PPP2R3A: variants seen among roughly 807,000 people sequenced by gnomAD.
PPP2R3A encodes protein phosphatase 2 regulatory subunit B''alpha, also known as serine/threonine-protein phosphatase 2A regulatory subunit B'' subunit alpha.
In PPP2R3A, 80 loss-of-function variants were observed where a neutral mutation model predicts 106.9. The observed-to-expected ratio is 0.75, with a 90% CI of 0.62 to 0.90. The LOEUF is 0.90. Among genes scored for constraint, PPP2R3A ranks in the 40% least tolerant of loss-of-function variants. The probability of loss-of-function intolerance (pLI) is 0.00; values close to 1 mark genes in which losing one functional copy is unlikely to be tolerated. For missense variants in PPP2R3A, 1,386 were observed against 1,350.4 expected (o/e 1.03, Z -0.41); for synonymous variants, 483 against 468.3 (o/e 1.03, Z -0.41).
intron 6 of PPP2R3A, among the ~76,000 whole-genome samples, chr3:136,076,706 T>G (rs1936607602): frequency 6.6e-6 from 1 of 152,136 alleles, no homozygotes; most frequent in African/African-American, 2.4e-5. Flanking sequence ...CCCAGCACTT[T>G]GGGAGGCCGA....
chr3:135,983,975 T>C (rs1937572451), intron 1 of PPP2R3A, among the ~76,000 whole-genome samples: 1 of 152,204 alleles, frequency 6.6e-6, no homozygotes, highest in African/African-American at 2.4e-5. Context: ...AGCTATTTTA[T>C]GTGTCACAGT....
intron 6 of PPP2R3A, among the ~76,000 whole-genome samples, chr3:136,071,633 A>G (rs1462673706): frequency 6.6e-5 from 10 of 151,170 alleles, no homozygotes. Context: ...AGAGCAAACA[A>G]TTGTCCTTTT....
intron 2 of PPP2R3A, among the ~76,000 whole-genome samples, chr3:136,004,170 A>T (rs16843633): frequency 6.6e-6 from 1 of 152,240 alleles, no homozygotes; most frequent in African/African-American, 2.4e-5. Context: ...AGTATTTTCA[A>T]AAGTTTTTAA....
intron 6 of PPP2R3A, among the ~76,000 whole-genome samples, chr3:136,072,277 A>G (rs149130454): frequency 1.3e-5 from 2 of 152,306 alleles, no homozygotes; most frequent in East Asian, 1.9e-4. Flanking sequence ...GTACTGAGTG[A>G]ATACATGAAA....
intron 1 of PPP2R3A, among the ~76,000 whole-genome samples, chr3:135,979,644 G>C (rs1937512463): frequency 6.6e-6 from 1 of 151,656 alleles, no homozygotes; most frequent in Non-Finnish European, 1.5e-5. Context: ...TGTAAAAGTG[G>C]GCACATGGGC....
At position 136,079,257 on chromosome 3, in the gene PPP2R3A, C is replaced by T. The variant is rs1015173626; in HGVS notation, c.2631+804C>T. The T allele has an allele frequency of 2.1e-5, 9 of 432,264 alleles. 1 individual carries two copies. The East Asian group carries it at 5.6e-4, about 27-fold the overall frequency. The allele number at this position is 432,264 out of a possible 1,614,324, so 26.8% of individuals were successfully genotyped here. On this transcript the variant is annotated intron_variant, in intron 7 of 13. Coordinates refer to ENST00000264977, the MANE Select transcript of PPP2R3A (RefSeq NM_002718.5). The stretch of plus-strand genomic sequence containing the variant: ...AGTCAGTGTTGATATTTATTGAACA[C>T]CTGATGCCTGCCTGGGCTCTCAGTA...
At chr3:136,114,670 A>G (rs930866449) in intron 13 of PPP2R3A, among the ~76,000 whole-genome samples, 1 of 152,194 alleles carries the variant, frequency 6.6e-6, no homozygotes, top group Non-Finnish European at 1.5e-5. Context: ...AGCACTGGGA[A>G]GTTTGAAGTG....
rs144647691 is a variant in PPP2R3A at position 136,102,992 on chromosome 3, A to G, written c.3104-266A>G. 1.6e-4 allele frequency among the ~76,000 whole-genome samples: 25 copies of G among 152,280 alleles called. No individual in the cohort carries two copies. The East Asian group carries it at 4.6e-3, about 28-fold the overall frequency. On this transcript the variant is annotated intron_variant, in intron 11 of 13. Transcript: ENST00000264977. ...TAGATAGTGGTAATGGTTGTACAAC[A>G]TTGTGAGTGTACTAAAAGCCACTGA...
chr3:135,968,450 G>A (rs9862743), intron 1 of PPP2R3A, among the ~76,000 whole-genome samples: 38,228 of 152,072 alleles, frequency 0.25, 5,339 homozygotes, highest in Non-Finnish European at 0.32. Context: ...ACAATATTCC[G>A]GGCAGAAGGA....
chr3:136,123,102 A>G (rs1290030186), intron 13 of PPP2R3A, among the ~76,000 whole-genome samples: 2 of 152,192 alleles, frequency 1.3e-5, no homozygotes, highest in African/African-American at 2.4e-5. Context: ...AATATAATTT[A>G]TCCCCCAAAA....
intron 13 of PPP2R3A, among the ~76,000 whole-genome samples, chr3:136,119,814 T>A (rs1171085552): frequency 1.3e-5 from 2 of 152,176 alleles, no homozygotes; most frequent in East Asian, 1.9e-4. Context: ...TCCTCAAGGA[T>A]CTAGAACTAG....
rs756480262 is a variant in PPP2R3A at position 136,003,082 on chromosome 3, A to G, written c.1584A>G (p.Arg528=). The G allele has an allele frequency of 1.3e-5, 21 of 1,611,462 alleles. No homozygotes were observed. The highest frequency in any genetic ancestry group is 2.5e-6 in the Non-Finnish European group (3 of 1,179,366). ...CACAGAAGATGGAGACCTCTCTAAG[A>G]GAGCCACTTGCGAAGGGTAAAAACT... is the stretch of plus-strand genomic sequence containing the variant. ...SFSQKMETSL[R]EPLAKGKNSN... The change falls in exon 2 of 14, where the codon AGA becomes AGG. Residue 528 remains arginine (R), a synonymous_variant. Transcript: ENST00000264977.
intron 10 of PPP2R3A, among the ~76,000 whole-genome samples, chr3:136,097,225 G>T (rs1338448114): frequency 6.6e-6 from 1 of 151,462 alleles, no homozygotes; most frequent in East Asian, 1.9e-4. Context: ...TGCAATGAAA[G>T]AAACTTTAGA....
intron 7 of PPP2R3A, chr3:136,079,107 A>G: frequency 2.3e-6 from 1 of 434,438 alleles, no homozygotes. Context: ...TAATAATACA[A>G]CCTTACTTAC....
intron 13 of PPP2R3A, among the ~76,000 whole-genome samples, chr3:136,143,848 T>G (rs532115427): frequency 1.3e-4 from 20 of 152,170 alleles, no homozygotes; most frequent in Non-Finnish European, 2.4e-4. Context: ...TTACTGTATA[T>G]ACCTACCTCA....
chr3:136,034,452 T>C (rs1023491302), intron 3 of PPP2R3A, among the ~76,000 whole-genome samples: 3 of 152,252 alleles, frequency 2.0e-5, no homozygotes, highest in African/African-American at 7.2e-5. Flanking sequence ...AAGAATGTTT[T>C]AATTTCCATC....
intron 3 of PPP2R3A, among the ~76,000 whole-genome samples, chr3:136,028,151 C>T (rs181580311): frequency 5.5e-4 from 83 of 152,286 alleles, no homozygotes; most frequent in Non-Finnish European, 4.6e-4. Flanking sequence ...CCAGAGTGGG[C>T]TTCCCCTCCT....
chr3:136,035,234 A>C (rs745641469), intron 3 of PPP2R3A, among the ~76,000 whole-genome samples: 6 of 152,178 alleles, frequency 3.9e-5, no homozygotes, highest in Non-Finnish European at 7.3e-5. Context: ...GTGAGATATG[A>C]GGTACCATTC....
chr3:136,137,805 T>C (rs1246646112), intron 13 of PPP2R3A, among the ~76,000 whole-genome samples: 1 of 152,072 alleles, frequency 6.6e-6, no homozygotes, highest in Non-Finnish European at 1.5e-5. Context: ...CCTCCCAAAG[T>C]GCTGGGATTA....
Sources: gnomAD v4.1 joint callset for allele counts (sites outside exome capture counted in the v4.1 genomes callset) on GRCh38, gnomAD v4.1.1 for gene constraint, MANE v1.5 for transcripts, NCBI Gene and HGNC (gene_info 2026-07-23, HGNC 2026-07-21) for gene names.